The following GRID2 variants were observed in gnomAD, a reference collection of about 807,000 sequenced individuals.
GRID2 encodes glutamate ionotropic receptor delta type subunit 2, also known as glutamate receptor ionotropic, delta-2.
A neutral mutation model predicts 114.8 loss-of-function variants in GRID2; 33 were observed. The observed-to-expected ratio is 0.29, with a 90% CI of 0.22 to 0.38. The LOEUF is 0.38. GRID2 is among the 10% of genes least tolerant of loss of function. GRID2 has a pLI of 1.00. For missense variants in GRID2, 1,184 were observed against 1,257.7 expected (o/e 0.94, Z 0.89); for synonymous variants, 505 against 449.9 (o/e 1.12, Z -1.55).
intron 10 of GRID2, 118 bp from the exon 11 acceptor site, chr4:93,455,544 T>C (rs1170603617): frequency 4.7e-6 from 3 of 645,088 alleles, no homozygotes; most frequent in Admixed American, 5.7e-5. Flanking sequence ...TCAGTTTATA[T>C]AAAAAGATTT....
intron 4 of GRID2, among the ~76,000 whole-genome samples, chr4:93,199,177 A>T (rs1350595104): frequency 6.6e-6 from 1 of 152,172 alleles, no homozygotes; most frequent in Non-Finnish European, 1.5e-5. Context: ...AAATCACCAC[A>T]GCAAACGCCC....
At chr4:92,676,939 C>A (rs1216559891) in intron 2 of GRID2, among the ~76,000 whole-genome samples, 1 of 152,022 alleles carries the variant, frequency 6.6e-6, no homozygotes, top group South Asian at 2.1e-4. Context: ...TATTATCCAG[C>A]TTAAAAAGTG....
chr4:92,932,726 A>G (rs1206348746), intron 2 of GRID2, among the ~76,000 whole-genome samples: 1 of 151,328 alleles, frequency 6.6e-6, no homozygotes, highest in Non-Finnish European at 1.5e-5. Flanking sequence ...TACTACACTG[A>G]AAGGCAAAGC....
At chr4:92,760,024 G>A (rs183943209) in intron 2 of GRID2, among the ~76,000 whole-genome samples, 1 of 151,106 alleles carries the variant, frequency 6.6e-6, no homozygotes, top group African/African-American at 2.4e-5. Context: ...GGTGGATCAC[G>A]AGGTCAGGAG....
At chr4:92,675,888 G>A (rs1014194686) in intron 2 of GRID2, among the ~76,000 whole-genome samples, 14 of 151,814 alleles carry the variant, frequency 9.2e-5, no homozygotes, top group African/African-American at 2.9e-4. Flanking sequence ...GTTTGGAAGC[G>A]TCCCCAGGTA....
At chr4:92,662,606 A>G (rs2149270145) in intron 2 of GRID2, among the ~76,000 whole-genome samples, 1 of 151,268 alleles carries the variant, frequency 6.6e-6, no homozygotes, top group East Asian at 1.9e-4. Context: ...AAAAAGGTAA[A>G]CTTTGAAGTG....
At chr4:92,331,986 CTT>C (rs1560571699) in intron 1 of GRID2, among the ~76,000 whole-genome samples, 1 of 152,106 alleles carries the variant, frequency 6.6e-6, no homozygotes, top group Non-Finnish European at 1.5e-5. Flanking sequence ...ATGTGATTCT[CTT>C]GTCAGTGGTA....
At chr4:92,839,714 C>T (rs991438916) in intron 2 of GRID2, among the ~76,000 whole-genome samples, 6 of 151,480 alleles carry the variant, frequency 4.0e-5, no homozygotes, top group Admixed American at 2.0e-4. Context: ...TATTTTTGAC[C>T]GTCTTGAGAC....
At chr4:92,653,140 G>A (rs1488821633) in intron 2 of GRID2, among the ~76,000 whole-genome samples, 1 of 150,234 alleles carries the variant, frequency 6.7e-6, no homozygotes, top group Non-Finnish European at 1.5e-5. Context: ...TGGGATTACA[G>A]GCACTTGCCA....
At chr4:93,717,017 A>T (rs1728956694) in intron 14 of GRID2, among the ~76,000 whole-genome samples, 1 of 152,144 alleles carries the variant, frequency 6.6e-6, no homozygotes, top group Non-Finnish European at 1.5e-5. Context: ...AAGAAGCTTT[A>T]CAGAGTGCTT....
chr4:92,439,081 G>C (rs767409209), intron 1 of GRID2, among the ~76,000 whole-genome samples: 1 of 151,826 alleles, frequency 6.6e-6, no homozygotes, highest in South Asian at 2.1e-4. Context: ...GGGTGGGGCC[G>C]TTTTACAGGA....
intron 2 of GRID2, among the ~76,000 whole-genome samples, chr4:92,837,407 A>G (rs1446105227): frequency 6.6e-6 from 1 of 151,924 alleles, no homozygotes; most frequent in Non-Finnish European, 1.5e-5. Flanking sequence ...TACCTTCAAA[A>G]AAATTGGGGA....
chr4:93,041,755 T>C (rs2149269231), intron 2 of GRID2, among the ~76,000 whole-genome samples: 1 of 152,316 alleles, frequency 6.6e-6, no homozygotes. Context: ...ATGAAATAGT[T>C]AATATTTCTA....
In GRID2 at chr4:92,548,552, C is replaced by T. The variant is rs750080210; in HGVS notation, c.89-41579C>T. Among the ~76,000 whole-genome samples the T allele has an allele frequency of 5.1e-4, 77 of 151,536 alleles. 1 individual carries two copies. The highest frequency in any genetic ancestry group is 2.9e-4 in the Non-Finnish European group (20 of 67,914). On this transcript the variant is annotated intron_variant, in intron 1 of 15. Coordinates refer to ENST00000282020, the MANE Select transcript of GRID2 (RefSeq NM_001510.4). ...AAATAACTGGGATTACAGGCACTCTCCTGGCTAATTTTTGTGTTTTTAGTA... is the reference window on the plus strand; with the variant it reads ...AAATAACTGGGATTACAGGCACTCTTCTGGCTAATTTTTGTGTTTTTAGTA...
chr4:93,449,387 A>T (rs2149403109), intron 10 of GRID2, among the ~76,000 whole-genome samples: 1 of 152,186 alleles, frequency 6.6e-6, no homozygotes, highest in South Asian at 2.1e-4. Context: ...GGTGATATTT[A>T]GTTTGGAATT....
At position 92,318,300 on chromosome 4, in the gene GRID2, A is replaced by G. The variant is rs1173895981; in HGVS notation, c.88+13556A>G. 3.1e-5 allele frequency among the ~76,000 whole-genome samples: 4 copies of G among 131,046 alleles called. No homozygotes were observed. In the East Asian group the frequency reaches 8.6e-4, roughly 28 times the overall value. 86.0% of individuals were successfully genotyped at this position (131,046 alleles called of 152,430 possible). ...TGGATATATATGTGTGTATATATAT[A>G]TATATATATTTTTTTTTTTTTTTTT... On this transcript the variant is annotated intron_variant, in intron 1 of 15. Coordinates refer to ENST00000282020, the MANE Select transcript of GRID2 (RefSeq NM_001510.4).
intron 14 of GRID2, among the ~76,000 whole-genome samples, chr4:93,739,812 G>T (rs1731221436): frequency 6.6e-6 from 1 of 152,054 alleles, no homozygotes; most frequent in African/African-American, 2.4e-5. Context: ...TCAGCTTCCG[G>T]TTGACCTGAT....
chr4:93,134,332 A>C (rs1474990716), intron 4 of GRID2, among the ~76,000 whole-genome samples: 1 of 152,160 alleles, frequency 6.6e-6, no homozygotes, highest in Admixed American at 6.5e-5. Context: ...AAAATGAAGA[A>C]ATTTGTACCA....
intron 1 of GRID2, among the ~76,000 whole-genome samples, chr4:92,453,069 T>A (rs1721026213): frequency 6.6e-6 from 1 of 151,836 alleles, no homozygotes; most frequent in Non-Finnish European, 1.5e-5. Context: ...TGGGGGTGTA[T>A]ACATGCATTA....
Sources: allele counts gnomAD v4.1 joint callset (sites outside exome capture counted in the v4.1 genomes callset), GRCh38; gene constraint gnomAD v4.1.1; transcripts MANE v1.5; gene names NCBI Gene and HGNC (gene_info 2026-07-23, HGNC 2026-07-21).